CCSER2: variants seen among roughly 807,000 people sequenced by gnomAD.
CCSER2 encodes serine-rich coiled-coil domain-containing protein 2.
CCSER2 carries 46 observed loss-of-function variants against 92.3 expected under a neutral mutation model. That is an observed-to-expected ratio of 0.50 (90% confidence interval 0.39 to 0.64). The LOEUF (loss-of-function observed/expected upper bound fraction) is 0.64, where lower values mean the gene tolerates loss of function less well. Ranked by LOEUF, CCSER2 falls within the 30% of genes least tolerant of loss-of-function variation. The pLI, the probability that CCSER2 is intolerant of heterozygous loss-of-function variation, is 0.00. For synonymous variants in CCSER2, 433 were observed against 431.4 expected, an observed-to-expected ratio of 1.00 and a Z score of -0.04; for missense variants, 1,244 against 1,238.9, an observed-to-expected ratio of 1.00 and a Z score of -0.06.
chr10:84,467,407 A>G (rs116895030), intron 7 of CCSER2, among the ~76,000 whole-genome samples: 180 of 152,270 alleles, frequency 1.2e-3, no homozygotes, highest in Non-Finnish European at 2.2e-3. Context: ...CTTCTATTGT[A>G]TGTCCCACCC....
chr10:84,405,794 AC>A (rs2133336893), intron 3 of CCSER2, among the ~76,000 whole-genome samples: 1 of 152,338 alleles, frequency 6.6e-6, no homozygotes, highest in Non-Finnish European at 1.5e-5. Flanking sequence ...ACTGACAGTA[AC>A]TAAGGGCTGT....
intron 9 of CCSER2, among the ~76,000 whole-genome samples, chr10:84,506,516 G>A (rs559929417): frequency 2.0e-5 from 3 of 152,250 alleles, no homozygotes; most frequent in Non-Finnish European, 2.9e-5. Flanking sequence ...TAAACTGGCC[G>A]GGCGTGGTGG....
rs1849529745 is a variant in CCSER2 at position 84,514,508 on chromosome 10, C to G, written c.*241C>G. ...AAGTTTGCTTACCCATTTCAGAGGC[C>G]TGCCAAAGGCCCAAATCATGTTATC... On this transcript the variant is annotated 3_prime_UTR_variant, in exon 10 of 10. Coordinates refer to ENST00000372088, the MANE Select transcript of CCSER2 (RefSeq NM_001284240.2). 2.0e-6 allele frequency: 1 copy of G among 494,348 alleles called. No individual in the cohort carries two copies. The highest frequency in any genetic ancestry group is 2.0e-5 in the African/African-American group (1 of 51,102). 30.6% of individuals were successfully genotyped at this position (494,348 alleles called of 1,614,324 possible). A position where few individuals can be genotyped will look rare whatever the true frequency, so the allele number is the denominator to read the frequency against.
At chr10:84,329,116 T>C (rs1453923208) in intron 1 of CCSER2, among the ~76,000 whole-genome samples, 1 of 152,066 alleles carries the variant, frequency 6.6e-6, no homozygotes, top group East Asian at 1.9e-4. Context: ...CACTCTGATT[T>C]CGGAGCCTGG....
chr10:84,470,456 C>CTTG lies in CCSER2; in HGVS notation c.2235_2235+2dup. 1 of 1,416,100 alleles carries CTTG rather than the reference C, an allele frequency of 7.1e-7. No homozygotes were observed. The highest frequency in any genetic ancestry group is 9.4e-7 in the Non-Finnish European group (1 of 1,064,908). 87.7% of individuals were successfully genotyped at this position (1,416,100 alleles called of 1,614,324 possible). ...AAAGATCCAACTATTAGAACTTCAG[C>CTTG]TTGTAAGTATTGTAGTATAATGTAT... On this transcript the variant is annotated inframe_insertion and splice_region_variant, in exon 8 of 10. Coordinates refer to ENST00000372088, the MANE Select transcript of CCSER2 (RefSeq NM_001284240.2).
intron 8 of CCSER2, among the ~76,000 whole-genome samples, chr10:84,476,170 G>C (rs1847125646): frequency 6.6e-6 from 1 of 152,136 alleles, no homozygotes; most frequent in Admixed American, 6.5e-5. Context: ...TGTCTCATTT[G>C]TTAGGAATGG....
chr10:84,513,229 GTT>G (rs1849456851), intron 9 of CCSER2, among the ~76,000 whole-genome samples: 1 of 151,956 alleles, frequency 6.6e-6, no homozygotes, highest in African/African-American at 2.4e-5. Flanking sequence ...TTTGGATCTT[GTT>G]CAGTGTTTAC....
At chr10:84,498,442 C>T (rs1848561081) in intron 9 of CCSER2, among the ~76,000 whole-genome samples, 2 of 148,808 alleles carry the variant, frequency 1.3e-5, no homozygotes, top group African/African-American at 2.5e-5. Context: ...GTTTTTGTGG[C>T]TTTTTTTTTT....
intron 1 of CCSER2, among the ~76,000 whole-genome samples, chr10:84,331,959 G>A (rs1449138710): frequency 1.3e-5 from 2 of 152,076 alleles, no homozygotes; most frequent in East Asian, 1.9e-4. Flanking sequence ...AGATAATGCC[G>A]TTAGTATATA....
At chr10:84,375,584 T>C (rs1846288740) in intron 3 of CCSER2, among the ~76,000 whole-genome samples, 1 of 151,008 alleles carries the variant, frequency 6.6e-6, no homozygotes, top group South Asian at 2.1e-4. Context: ...TACTTAGTGA[T>C]CTTCTCTATC....
intron 5 of CCSER2, among the ~76,000 whole-genome samples, chr10:84,438,243 G>A (rs558198033): frequency 6.6e-6 from 1 of 152,150 alleles, no homozygotes; most frequent in East Asian, 1.9e-4. Flanking sequence ...CCAGAGTATT[G>A]TTTCTATTCC....
chr10:84,343,284 A>G (rs1469268395), intron 1 of CCSER2, among the ~76,000 whole-genome samples: 3 of 152,220 alleles, frequency 2.0e-5, no homozygotes, highest in African/African-American at 7.2e-5. Context: ...TGCCCAAAGT[A>G]TAAACCTGGG....
intron 5 of CCSER2, among the ~76,000 whole-genome samples, chr10:84,426,858 AATTT>A (rs1176047640): frequency 6.6e-6 from 1 of 152,152 alleles, no homozygotes; most frequent in African/African-American, 2.4e-5. Context: ...TTCCTGAATT[AATTT>A]GTCAGAAAAG....
At chr10:84,359,072 G>A (rs1414274844) in intron 1 of CCSER2, among the ~76,000 whole-genome samples, 1 of 152,096 alleles carries the variant, frequency 6.6e-6, no homozygotes, top group African/African-American at 2.4e-5. Context: ...TTCTCCCACT[G>A]GAAATGACTC....
intron 1 of CCSER2, among the ~76,000 whole-genome samples, chr10:84,341,966 G>A (rs1173907517): frequency 2.0e-5 from 3 of 152,216 alleles, no homozygotes; most frequent in Non-Finnish European, 4.4e-5. Flanking sequence ...TCAGCTCTCT[G>A]AACCCTGTCC....
At chr10:84,387,703 T>C (rs979348296) in intron 3 of CCSER2, among the ~76,000 whole-genome samples, 3 of 152,104 alleles carry the variant, frequency 2.0e-5, no homozygotes, top group Non-Finnish European at 2.9e-5. Context: ...TATTTTTTTG[T>C]ATTTTTAGTA....
At chr10:84,461,673 T>TC (rs1185893864) in intron 6 of CCSER2, among the ~76,000 whole-genome samples, 19 of 151,718 alleles carry the variant, frequency 1.3e-4, no homozygotes, top group African/African-American at 4.3e-4. Flanking sequence ...TTTTTTTTTT[T>TC]CCCCCTGAGA....
chr10:84,507,398 TC>T, intron 9 of CCSER2: 2 of 751,658 alleles, frequency 2.7e-6, no homozygotes, highest in African/African-American at 1.9e-5. Context: ...GGTTTTTTTT[TC>T]CAGTTTGCAT....
At chr10:84,431,983 T>C (rs918651433) in intron 5 of CCSER2, among the ~76,000 whole-genome samples, 5 of 152,216 alleles carry the variant, frequency 3.3e-5, no homozygotes, top group Admixed American at 6.5e-5. Flanking sequence ...ACTGCCAAAC[T>C]GTCTTCCAAA....
Sources: gnomAD v4.1 joint callset for allele counts (sites outside exome capture counted in the v4.1 genomes callset) on GRCh38, gnomAD v4.1.1 for gene constraint, MANE v1.5 for transcripts, NCBI Gene and HGNC (gene_info 2026-07-23, HGNC 2026-07-21) for gene names.